SEC23IP: variants seen among roughly 807,000 people sequenced by gnomAD.
SEC23IP encodes SEC23 interacting protein, also known as SEC23-interacting protein.
In SEC23IP, 70 loss-of-function variants were observed where a neutral mutation model predicts 113.4. The ratio of observed to expected loss-of-function variants is 0.62; its 90% CI spans 0.51 to 0.75. The LOEUF (loss-of-function observed/expected upper bound fraction) is 0.75, where lower values mean the gene tolerates loss of function less well. SEC23IP is among the 30% of genes least tolerant of loss of function. SEC23IP has a pLI of 0.00. For synonymous variants in SEC23IP, 398 were observed against 421.0 expected, an observed-to-expected ratio of 0.95 and a Z score of 0.67; for missense variants, 1,160 against 1,204.9, an observed-to-expected ratio of 0.96 and a Z score of 0.55.
chr10:119,913,743 C>T lies in SEC23IP; in HGVS notation c.1313-987C>T, dbSNP rs796608902. Among the ~76,000 whole-genome samples the T allele has an allele frequency of 5.9e-5, 9 of 151,998 alleles. No homozygotes were observed. The South Asian group carries it at 1.2e-3, about 21-fold the overall frequency. On this transcript the variant is annotated intron_variant, in intron 6 of 18. Transcript: ENST00000369075. The stretch of plus-strand genomic sequence containing the variant: ...CTGACATCAAGTGATCCACGTGCCT[C>T]GGCCTCCTAAAGTTCTGGAATTACA...
At chr10:119,898,203 A>T in intron 1 of SEC23IP, 1 of 784,716 alleles carries the variant, frequency 1.3e-6, no homozygotes, top group Non-Finnish European at 1.8e-6. Context: ...TGAATGAATT[A>T]TAATTGTTTC....
intron 18 of SEC23IP, among the ~76,000 whole-genome samples, chr10:119,934,970 G>A (rs1223085028): frequency 6.6e-6 from 1 of 152,002 alleles, no homozygotes; most frequent in Non-Finnish European, 1.5e-5. Context: ...AACCCCGTCT[G>A]TACTAAAAAT....
At position 119,902,988 on chromosome 10, in the gene SEC23IP, C is replaced by G. The variant is rs1329761365; in HGVS notation, c.886C>G (p.Leu296Val). ...MPFSVFDSLNLEEIYNSVQPD... is the reference protein window; with the variant it reads ...MPFSVFDSLNVEEIYNSVQPD... ...TTTTAGTGTGTTCGACTCTTTGAAT[C>G]TTGAAGAAATCTATAATTCAGGTAA... Residue 296 changes from leucine to valine, a missense_variant, in exon 3 of 19, where the codon CTT becomes GTT. By Grantham distance (32) the Leu-to-Val change is conservative. Coordinates refer to ENST00000369075, the MANE Select transcript of SEC23IP (RefSeq NM_007190.4). 1 of 1,613,664 alleles carries G rather than the reference C, an allele frequency of 6.2e-7. No individual in the cohort carries two copies. Among genetic ancestry groups the G allele is most frequent in the East Asian group, 2.2e-5 (1 of 44,882 alleles).
At chr10:119,940,432 C>G (rs1371677772) in intron 18 of SEC23IP, among the ~76,000 whole-genome samples, 154 bp from the exon 19 acceptor site, 1 of 151,282 alleles carries the variant, frequency 6.6e-6, no homozygotes, top group Non-Finnish European at 1.5e-5. Context: ...TGTGATCTGC[C>G]CACCTCGGCC....
chr10:119,897,647 G>A (rs1268941218), intron 1 of SEC23IP, among the ~76,000 whole-genome samples: 3 of 152,230 alleles, frequency 2.0e-5, no homozygotes, highest in African/African-American at 7.2e-5. Flanking sequence ...AAAAATATAT[G>A]TATTTGGGTA....
intron 4 of SEC23IP, 195 bp downstream of exon 4, chr10:119,904,472 A>G (rs1854599852): frequency 1.7e-6 from 1 of 571,638 alleles, no homozygotes; most frequent in African/African-American, 1.9e-5. Flanking sequence ...GTCTAAAGAT[A>G]GAATATGATT....
chr10:119,938,679 CCCCT>C (rs1855871570), intron 18 of SEC23IP, among the ~76,000 whole-genome samples: 1 of 152,088 alleles, frequency 6.6e-6, no homozygotes, highest in African/African-American at 2.4e-5. Flanking sequence ...AATTTAAGTT[CCCCT>C]GACGCTCTCT....
chr10:119,916,011 G>A (rs752917209), intron 8 of SEC23IP, 122 bp downstream of exon 8: 10 of 786,322 alleles, frequency 1.3e-5, no homozygotes, highest in Non-Finnish European at 1.8e-5. Flanking sequence ...GTATACTTCT[G>A]ACATATAATT....
In SEC23IP at chr10:119,943,526, G is replaced by GA. The variant is rs1186731307; in HGVS notation, c.*2961_*2962insA. 3 of 152,194 alleles carry GA rather than the reference G, an allele frequency of 2.0e-5. No individual in the cohort carries two copies. Among genetic ancestry groups the GA allele is most frequent in the African/African-American group, 7.2e-5 (3 of 41,444 alleles). The allele number at this position is 152,194 out of a possible 1,614,324, so 9.4% of individuals were successfully genotyped here. ...AATTGCTTGAACCCAGGAGGTGGAGGTTGCAGTGAGTTGGGATCTCGCCAC... is the reference window on the plus strand; with the variant it reads ...AATTGCTTGAACCCAGGAGGTGGAGGATTGCAGTGAGTTGGGATCTCGCCAC... On this transcript the variant is annotated 3_prime_UTR_variant, in exon 19 of 19. Transcript: ENST00000369075.
At chr10:119,917,697 A>G (rs990544741) in intron 8 of SEC23IP, 139 bp from the exon 9 acceptor site, 19 of 636,286 alleles carry the variant, frequency 3.0e-5, no homozygotes, top group African/African-American at 2.9e-4. Context: ...TTTATTTATA[A>G]TGACTATCTA....
Position 119,943,082 on chromosome 10 carries a change from G to T in SEC23IP, c.*2517G>T, listed in dbSNP as rs1347855037. The T allele has an allele frequency of 6.6e-6, 1 of 152,076 alleles. No homozygotes were observed. Among genetic ancestry groups the T allele is most frequent in the Non-Finnish European group, 1.5e-5 (1 of 68,016 alleles). 9.4% of individuals were successfully genotyped at this position (152,076 alleles called of 1,614,324 possible). A position where few individuals can be genotyped will look rare whatever the true frequency, so the allele number is the denominator to read the frequency against. On this transcript the variant is annotated 3_prime_UTR_variant, in exon 19 of 19. Transcript: ENST00000369075. ...TGGTATTTATAGTACCATTGTTTCAGGTTTTTATGACTTGAGGCATCTAAC... is the reference window on the plus strand; with the variant it reads ...TGGTATTTATAGTACCATTGTTTCATGTTTTTATGACTTGAGGCATCTAAC...
At chr10:119,920,068 C>T (rs1209071094) in intron 11 of SEC23IP, among the ~76,000 whole-genome samples, 1 of 151,956 alleles carries the variant, frequency 6.6e-6, no homozygotes, top group Non-Finnish European at 1.5e-5. Context: ...TTTTTTTTAA[C>T]TTACCAGTTT....
chr10:119,942,297 G>A lies in SEC23IP; in HGVS notation c.*1732G>A, dbSNP rs1354416569. 2.0e-5 allele frequency: 3 copies of A among 152,020 alleles called. No individual in the cohort carries two copies. The highest frequency in any genetic ancestry group is 7.3e-5 in the African/African-American group (3 of 41,376). The allele number at this position is 152,020 out of a possible 1,614,324, so 9.4% of individuals were successfully genotyped here. ...AGTACACAGAAAATAGAATTTTTGAGTGACTCTGCCTGTGGATATATATAC... is the reference window on the plus strand; with the variant it reads ...AGTACACAGAAAATAGAATTTTTGAATGACTCTGCCTGTGGATATATATAC... On this transcript the variant is annotated 3_prime_UTR_variant, in exon 19 of 19. Transcript: ENST00000369075.
In SEC23IP at chr10:119,918,051, C is replaced by T; in HGVS notation, c.1753+7C>T. 1 of 1,607,452 alleles carries T rather than the reference C, an allele frequency of 6.2e-7. No individual in the cohort carries two copies. The highest frequency in any genetic ancestry group is 8.5e-7 in the Non-Finnish European group (1 of 1,174,968). On this transcript the variant is annotated splice_region_variant and intron_variant, in intron 9 of 18. Transcript: ENST00000369075. ...GTTGCTGGTCACAGTTTAGGTAAAA[C>T]TGTCAAATATTCACATTTTAAATAC...
At chr10:119,905,805 A>C (rs1455393584) in intron 4 of SEC23IP, among the ~76,000 whole-genome samples, 1 of 152,184 alleles carries the variant, frequency 6.6e-6, no homozygotes, top group East Asian at 1.9e-4. Context: ...AACATACGTA[A>C]ATTAGTAACA....
At chr10:119,935,372 A>T (rs1855741044) in intron 18 of SEC23IP, among the ~76,000 whole-genome samples, 1 of 152,048 alleles carries the variant, frequency 6.6e-6, no homozygotes, top group African/African-American at 2.4e-5. Flanking sequence ...GAGGCAGGAG[A>T]ATCTCTTGAA....
At chr10:119,932,895 AG>A (rs1855653551) in intron 16 of SEC23IP, 109 bp from the exon 17 acceptor site, 2 of 873,614 alleles carry the variant, frequency 2.3e-6, no homozygotes, top group South Asian at 3.6e-5. Context: ...GTAGCTCCTC[AG>A]GTTGCTACAT....
chr10:119,929,781 T>C lies in SEC23IP; in HGVS notation c.2469+19T>C. On this transcript the variant is annotated intron_variant, in intron 14 of 18. Transcript: ENST00000369075. ...TCATCCGGTGAGTAATTGAATTTAC[T>C]TTGTTTTTTAAAATCCTTTTTTCTT... is the stretch of plus-strand genomic sequence containing the variant. 6.5e-7 allele frequency: 1 copy of C among 1,539,188 alleles called. No individual in the cohort carries two copies. The highest frequency in any genetic ancestry group is 8.8e-7 in the Non-Finnish European group (1 of 1,131,924).
chr10:119,919,469 T>TG lies in SEC23IP; in HGVS notation c.1900dup (p.Asp634GlyfsTer2). On this transcript the variant is annotated frameshift_variant, in exon 11 of 19. Coordinates refer to ENST00000369075, the MANE Select transcript of SEC23IP (RefSeq NM_007190.4). LOFTEE classifies it high-confidence loss of function. Reference sequence around the variant, plus strand: ...ATGCCTGAAGAGCCAAAGCTGACTTTGGATGAGTCGTATGACCTTGTTGTT... The same window carrying TG: ...ATGCCTGAAGAGCCAAAGCTGACTTTGGGATGAGTCGTATGACCTTGTTGTT... The TG allele has an allele frequency of 6.2e-7, 1 of 1,604,228 alleles. No homozygotes were observed. Among genetic ancestry groups the TG allele is most frequent in the Non-Finnish European group, 8.5e-7 (1 of 1,177,592 alleles).
Sources: allele counts gnomAD v4.1 joint callset (sites outside exome capture counted in the v4.1 genomes callset), GRCh38; gene constraint gnomAD v4.1.1; transcripts MANE v1.5; gene names NCBI Gene and HGNC (gene_info 2026-07-23, HGNC 2026-07-21).